The following CELF1 variants were observed in gnomAD, a reference collection of about 807,000 sequenced individuals.
CELF1 encodes the protein CUGBP Elav-like family member 1.
CELF1 carries 10 observed loss-of-function variants against 61.8 expected under a neutral mutation model. The observed-to-expected ratio is 0.16, with a 90% CI of 0.10 to 0.27. The LOEUF (loss-of-function observed/expected upper bound fraction) is 0.27. Among genes scored for constraint, CELF1 ranks in the 10% least tolerant of loss-of-function variants. The pLI is 1.00. For missense variants in CELF1, 380 were observed against 639.1 expected, an observed-to-expected ratio of 0.59 and a Z score of 4.37; for synonymous variants, 236 against 225.1, an observed-to-expected ratio of 1.05 and a Z score of -0.43.
At chr11:47,476,383 C>G (rs560408359) in intron 12 of CELF1, among the ~76,000 whole-genome samples, 1 of 152,180 alleles carries the variant, frequency 6.6e-6, no homozygotes, top group South Asian at 2.1e-4. Context: ...GAAGTTATAG[C>G]TAGCTAACGG....
At chr11:47,543,451 T>C (rs2096859677) in intron 1 of CELF1, among the ~76,000 whole-genome samples, 1 of 152,056 alleles carries the variant, frequency 6.6e-6, no homozygotes, top group Admixed American at 6.6e-5. Context: ...ATCTGGAACT[T>C]AATGAAGTGT....
chr11:47,508,833 C>G (rs1040416940), intron 1 of CELF1, among the ~76,000 whole-genome samples: 6 of 152,128 alleles, frequency 3.9e-5, no homozygotes, highest in Non-Finnish European at 7.4e-5. Context: ...TGCAATGACG[C>G]GATCTCGGCT....
At chr11:47,541,729 C>A (rs12806649) in intron 1 of CELF1, among the ~76,000 whole-genome samples, 947 of 9,068 alleles carry the variant, frequency 0.1, 200 homozygotes, top group African/African-American at 0.19. Flanking sequence ...AAAGAAAGAA[C>A]GAAAGAAAGA....
At chr11:47,534,530 T>C (rs1378388856) in intron 1 of CELF1, among the ~76,000 whole-genome samples, 1 of 151,522 alleles carries the variant, frequency 6.6e-6, no homozygotes, top group Admixed American at 6.6e-5. Context: ...ACCGAGACCA[T>C]CCTGGCTAAC....
chr11:47,489,091 T>C, intron 3 of CELF1, 67 bp from the exon 4 acceptor site: 1 of 1,310,916 alleles, frequency 7.6e-7, no homozygotes, highest in South Asian at 1.7e-5. Context: ...TTTTCTTTTC[T>C]TTAATGATCT....
upstream of CELF1, chr11:47,553,237 C>G (rs1419769518): frequency 3.1e-5 from 12 of 383,848 alleles, no homozygotes; most frequent in Admixed American, 9.0e-5. Flanking sequence ...CCCGCAGCGC[C>G]GATGCGAGCG....
chr11:47,537,904 C>CT lies in CELF1; in HGVS notation c.-154+15087dup, dbSNP rs548810170. On this transcript the variant is annotated intron_variant, in intron 1 of 14. Coordinates refer to ENST00000687097, the MANE Select transcript of CELF1 (RefSeq NM_001376376.1). ...CATAAAGGCATAATCATTTTGTTTT[C>CT]TTTTTTTTCTTTTCTTTTTTTTTTT... is the stretch of plus-strand genomic sequence containing the variant. 1.2e-4 allele frequency among the ~76,000 whole-genome samples: 18 copies of CT among 150,820 alleles called. No homozygotes were observed. The East Asian group carries it at 2.7e-3, about 23-fold the overall frequency.
intron 10 of CELF1, 99 bp from the exon 11 acceptor site, chr11:47,477,524 A>C (rs1447949434): frequency 7.9e-7 from 1 of 1,263,636 alleles, no homozygotes; most frequent in Non-Finnish European, 1.1e-6. Flanking sequence ...GGTCCCTGAC[A>C]AAGAGGAACT....
At chr11:47,537,844 T>C (rs918295662) in intron 1 of CELF1, among the ~76,000 whole-genome samples, 3 of 152,136 alleles carry the variant, frequency 2.0e-5, no homozygotes, top group Admixed American at 6.5e-5. Context: ...ATTTCCTCTA[T>C]GCACAGCACT....
chr11:47,547,211 ATTTG>A (rs1021339637), intron 1 of CELF1, among the ~76,000 whole-genome samples: 1 of 152,062 alleles, frequency 6.6e-6, no homozygotes, highest in Non-Finnish European at 1.5e-5. Flanking sequence ...ATGCTGACAT[ATTTG>A]TATTTTCAAG....
At chr11:47,482,622 T>C (rs958386706) in intron 9 of CELF1, 73 bp downstream of exon 9, 1 of 1,444,882 alleles carries the variant, frequency 6.9e-7, no homozygotes, top group Non-Finnish European at 9.4e-7. Context: ...CTGTGTTTGT[T>C]GGCTAGGGAC....
At chr11:47,539,747 T>C (rs886592713) in intron 1 of CELF1, among the ~76,000 whole-genome samples, 1 of 152,328 alleles carries the variant, frequency 6.6e-6, no homozygotes, top group African/African-American at 2.4e-5. Flanking sequence ...GGAAAGTCTT[T>C]AGGCATCCAG....
chr11:47,530,036 C>T (rs992540845), intron 1 of CELF1, among the ~76,000 whole-genome samples: 6 of 152,048 alleles, frequency 3.9e-5, no homozygotes, highest in East Asian at 1.9e-4. Context: ...TGTCTGTTAC[C>T]GAACCATTTA....
chr11:47,560,554 C>T (rs901419365), intron 2 of CELF1, among the ~76,000 whole-genome samples: 5 of 152,008 alleles, frequency 3.3e-5, no homozygotes, highest in African/African-American at 1.2e-4. Context: ...GACAGAAAGT[C>T]GATTCGTGGT....
chr11:47,509,163 T>C (rs955400288), intron 1 of CELF1, among the ~76,000 whole-genome samples: 1 of 152,184 alleles, frequency 6.6e-6, no homozygotes, highest in African/African-American at 2.4e-5. Flanking sequence ...CTGAAACGCT[T>C]TGGTGAGAGA....
At chr11:47,545,321 T>C (rs899491538) in intron 1 of CELF1, among the ~76,000 whole-genome samples, 1 of 152,038 alleles carries the variant, frequency 6.6e-6, no homozygotes, top group South Asian at 2.1e-4. Context: ...TCCCAGCTGC[T>C]TGAGAGGCTG....
At chr11:47,546,596 G>A (rs1428896336) in intron 1 of CELF1, among the ~76,000 whole-genome samples, 5 of 152,118 alleles carry the variant, frequency 3.3e-5, no homozygotes, top group Non-Finnish European at 7.3e-5. Context: ...ATACCTGAAA[G>A]TATTATTCTA....
intron 1 of CELF1, among the ~76,000 whole-genome samples, chr11:47,514,546 C>T (rs2095438823): frequency 6.6e-6 from 1 of 151,770 alleles, no homozygotes; most frequent in Non-Finnish European, 1.5e-5. Flanking sequence ...ACAGAGCATG[C>T]AAAAAACATT....
In CELF1 at chr11:47,504,907, A is replaced by G. The variant is rs1037822989; in HGVS notation, c.-153-3975T>C. ...ATAGAGTGAGACTCTGTCACCAAAA[A>G]AAAAAAAAAAAAAATTTCCATTTCA... On this transcript the variant is annotated intron_variant, in intron 1 of 14. Coordinates refer to ENST00000687097, the MANE Select transcript of CELF1 (RefSeq NM_001376376.1). Among the ~76,000 whole-genome samples, 3 of 150,380 alleles carry G rather than the reference A, an allele frequency of 2.0e-5. No individual in the cohort carries two copies. In the Admixed American group the frequency reaches 2.0e-4, roughly 10 times the overall value.
Sources: allele counts gnomAD v4.1 joint callset (sites outside exome capture counted in the v4.1 genomes callset), GRCh38; gene constraint gnomAD v4.1.1; transcripts MANE v1.5; gene names NCBI Gene and HGNC (gene_info 2026-07-23, HGNC 2026-07-21).